Variants in MET observed in about 807,000 individuals in gnomAD.
The protein encoded by MET is MET proto-oncogene, receptor tyrosine kinase, also known as hepatocyte growth factor receptor.
In MET, 48 loss-of-function variants were observed where a neutral mutation model predicts 133.1. The observed-to-expected ratio is 0.36, with a 90% CI of 0.29 to 0.46. The LOEUF is 0.46. MET is among the 20% of genes least tolerant of loss of function. MET has a pLI of 1.00. For missense variants in MET, 1,442 were observed against 1,695.9 expected (o/e 0.85, Z 2.63); for synonymous variants, 628 against 616.5 (o/e 1.02, Z -0.28).
chr7:116,713,780 A>C (rs1056500661), intron 2 of MET, among the ~76,000 whole-genome samples: 1 of 152,168 alleles, frequency 6.6e-6, no homozygotes, highest in African/African-American at 2.4e-5. Context: ...ATATTGGGAC[A>C]CAATTGAAGG....
At chr7:116,703,113 C>CT (rs776573546) in intron 2 of MET, among the ~76,000 whole-genome samples, 1 of 152,298 alleles carries the variant, frequency 6.6e-6, no homozygotes. Context: ...GCTATTTGTG[C>CT]TTCAGAACTC....
chr7:116,700,320 G>C (rs996584253), intron 2 of MET, 36 bp downstream of exon 2: 8 of 1,582,180 alleles, frequency 5.1e-6, no homozygotes, highest in Non-Finnish European at 6.0e-6. Flanking sequence ...TAAACTGTGA[G>C]GTATAAATTA....
intron 19 of MET, among the ~76,000 whole-genome samples, chr7:116,789,809 TTTTTA>T (rs371773538): frequency 1.0e-3 from 153 of 152,298 alleles, no homozygotes; most frequent in Non-Finnish European, 1.8e-3. Flanking sequence ...ATCTGAACGA[TTTTTA>T]TTTTATTTTA....
At chr7:116,704,599 C>T (rs1385628689) in intron 2 of MET, among the ~76,000 whole-genome samples, 1 of 151,926 alleles carries the variant, frequency 6.6e-6, no homozygotes, top group African/African-American at 2.4e-5. Context: ...GAGTGACCTA[C>T]CTCCATAATG....
intron 2 of MET, among the ~76,000 whole-genome samples, chr7:116,701,682 T>C (rs1791588182): frequency 6.6e-6 from 1 of 152,160 alleles, no homozygotes; most frequent in South Asian, 2.1e-4. Context: ...GCAATAGAAT[T>C]CCTTATGAAG....
rs368038865 is a variant in MET at position 116,748,137 on chromosome 7, G to A, written c.1701+7112G>A. On this transcript the variant is annotated intron_variant, in intron 5 of 20. Coordinates refer to ENST00000397752, the MANE Select transcript of MET (RefSeq NM_000245.4). ...CGGGCGCCTGTAGTCCCAGCTACTC[G>A]GGAGGCTGAGGCAGGAGAATGGTGT... is the stretch of plus-strand genomic sequence containing the variant. 1.1e-4 allele frequency among the ~76,000 whole-genome samples: 16 copies of A among 152,248 alleles called. No homozygotes were observed. The East Asian group carries it at 2.5e-3, about 24-fold the overall frequency.
chr7:116,694,774 A>G (rs1459101565), intron 1 of MET, among the ~76,000 whole-genome samples: 1 of 152,166 alleles, frequency 6.6e-6, no homozygotes, highest in Non-Finnish European at 1.5e-5. Flanking sequence ...GCAACCTCCA[A>G]TTCCCTGGTT....
At chr7:116,763,543 T>C (rs905084944) in intron 11 of MET, among the ~76,000 whole-genome samples, 1 of 152,244 alleles carries the variant, frequency 6.6e-6, no homozygotes, top group Non-Finnish European at 1.5e-5. Context: ...ATCCGCGTCA[T>C]GCATTATCTT....
intron 1 of MET, among the ~76,000 whole-genome samples, chr7:116,686,884 T>C (rs907204455): frequency 6.6e-6 from 1 of 152,210 alleles, no homozygotes; most frequent in Non-Finnish European, 1.5e-5. Context: ...CTACCTCAGC[T>C]GCACCTGAGC....
chr7:116,683,945 A>G (rs1327124995), intron 1 of MET, among the ~76,000 whole-genome samples: 1 of 152,196 alleles, frequency 6.6e-6, no homozygotes, highest in African/African-American at 2.4e-5. Context: ...ATCTCACTTC[A>G]GTGACTTCCA....
At position 116,699,415 on chromosome 7, in the gene MET, G is replaced by A. The variant is rs368750834; in HGVS notation, c.331G>A (p.Val111Ile). Residue 111 changes from valine (V) to isoleucine (I), a missense_variant, in exon 2 of 21, where the codon GTT becomes ATT. Physicochemically the swap from Val to Ile is conservative, Grantham distance 29. This residue lies in a region of MET where 762 missense variants were observed against 792.4 expected (regional missense o/e 0.96). Transcript: ENST00000397752. ...CSSKANLSGG[V>I]WKDNINMALV... ...CAGCAAAGCCAATTTATCAGGAGGT[G>A]TTTGGAAAGATAACATCAACATGGC... 17 of 1,613,912 alleles carry A rather than the reference G, an allele frequency of 1.1e-5. No homozygotes were observed. Among genetic ancestry groups the A allele is most frequent in the African/African-American group, 1.3e-5 (1 of 74,892 alleles).
At chr7:116,775,363 G>C (rs1421290095) in intron 15 of MET, among the ~76,000 whole-genome samples, 1 of 152,162 alleles carries the variant, frequency 6.6e-6, no homozygotes, top group Non-Finnish European at 1.5e-5. Context: ...TCCTCGTCCT[G>C]TGTGTACTAG....
At chr7:116,754,802 G>A (rs1260484288) in intron 5 of MET, among the ~76,000 whole-genome samples, 1 of 150,140 alleles carries the variant, frequency 6.7e-6, no homozygotes, top group Non-Finnish European at 1.5e-5. Context: ...GAACAACAGA[G>A]CCAGACTCTG....
At chr7:116,790,736 T>G (rs549552612) in intron 19 of MET, among the ~76,000 whole-genome samples, 1 of 152,218 alleles carries the variant, frequency 6.6e-6, no homozygotes, top group Non-Finnish European at 1.5e-5. Context: ...TTGAGTAGTA[T>G]TCCATCGTAC....
intron 1 of MET, among the ~76,000 whole-genome samples, chr7:116,681,839 A>G (rs1352758140): frequency 6.6e-6 from 1 of 152,226 alleles, no homozygotes; most frequent in African/African-American, 2.4e-5. Flanking sequence ...TTTGGGCTTA[A>G]AATATTACCT....
chr7:116,742,747 T>C (rs748314633), intron 5 of MET, among the ~76,000 whole-genome samples: 1 of 152,158 alleles, frequency 6.6e-6, no homozygotes, highest in African/African-American at 2.4e-5. Flanking sequence ...ACTCTAGCAT[T>C]CTATAGTTGA....
rs776805376 is a variant in MET, at chr7:116,755,402, A to G, written c.1749A>G (p.Ile583Met). ...TTGAAGGAGGGACAAGGCTGACCAT[A>G]TGTGGCTGGGACTTTGGATTTCGGA... is the stretch of plus-strand genomic sequence containing the variant. ...APLEGGTRLTICGWDFGFRRN... is the reference protein window; with the variant it reads ...APLEGGTRLTMCGWDFGFRRN... The change falls in exon 6 of 21, where the codon ATA (isoleucine) becomes ATG (methionine). Residue 583 changes from isoleucine (I) to methionine (M), a missense_variant. Ile to Met is a conservative substitution (Grantham distance 10). Coordinates refer to ENST00000397752, the MANE Select transcript of MET (RefSeq NM_000245.4). 8.7e-6 allele frequency: 14 copies of G among 1,614,042 alleles called. No individual in the cohort carries two copies. Among genetic ancestry groups the G allele is most frequent in the Non-Finnish European group, 1.1e-5 (13 of 1,180,028 alleles).
At chr7:116,730,624 G>A (rs912146150) in intron 2 of MET, among the ~76,000 whole-genome samples, 2 of 152,276 alleles carry the variant, frequency 1.3e-5, no homozygotes, top group African/African-American at 2.4e-5. Flanking sequence ...GGTCTAGGAG[G>A]CATTTAGAAA....
intron 5 of MET, among the ~76,000 whole-genome samples, chr7:116,755,036 G>GAAAGAA (rs1794122187): frequency 6.6e-6 from 1 of 151,356 alleles, no homozygotes; most frequent in Non-Finnish European, 1.5e-5. Flanking sequence ...AAGAAAGAAA[G>GAAAGAA]AAAGAAAAGA....
Sources: allele counts gnomAD v4.1 joint callset (sites outside exome capture counted in the v4.1 genomes callset), GRCh38; gene constraint gnomAD v4.1.1; regional missense constraint gnomAD v4.1.1; transcripts MANE v1.5; gene names NCBI Gene and HGNC (gene_info 2026-07-23, HGNC 2026-07-21).